The following TXNRD2 variants were observed in gnomAD, a reference collection of about 807,000 sequenced individuals.
TXNRD2 encodes thioredoxin reductase 2, also known as thioredoxin reductase 2, mitochondrial.
A neutral mutation model predicts 70.8 loss-of-function variants in TXNRD2; 67 were observed. The observed-to-expected ratio is 0.95, with a 90% confidence interval of 0.78 to 1.16. TXNRD2 has a LOEUF of 1.16. TXNRD2 is among the 50% of genes most tolerant of loss of function. The pLI is 0.00. For missense variants in TXNRD2, 644 were observed against 719.9 expected (o/e 0.89, Z 1.21); for synonymous variants, 301 against 295.8 (o/e 1.02, Z -0.18).
chr22:19,930,763 C>T (rs984654629), intron 2 of TXNRD2, among the ~76,000 whole-genome samples: 11 of 152,212 alleles, frequency 7.2e-5, no homozygotes, highest in Middle Eastern at 3.4e-3. Context: ...TGAGACTAGT[C>T]GGATTGGGGC....
At chr22:19,889,472 G>A (rs1939172007) in intron 11 of TXNRD2, among the ~76,000 whole-genome samples, 1 of 152,082 alleles carries the variant, frequency 6.6e-6, no homozygotes. Context: ...TTAGCTGGGC[G>A]CGGTGGCGGG....
At chr22:19,926,476 C>T (rs1230301665) in intron 2 of TXNRD2, among the ~76,000 whole-genome samples, 2 of 150,308 alleles carry the variant, frequency 1.3e-5, no homozygotes, top group South Asian at 2.1e-4. Context: ...GGTGACAGAG[C>T]GAGACTCCAT....
Position 19,933,580 on chromosome 22 carries a change from T to C in TXNRD2, c.104-2482A>G, listed in dbSNP as rs9618716. 7.7e-3 allele frequency: 9,166 copies of C among 1,184,742 alleles called. 554 individuals carry two copies. The African/African-American group carries it at 0.13, about 17-fold the overall frequency. The allele number at this position is 1,184,742 out of a possible 1,614,324, so 73.4% of individuals were successfully genotyped here. A position where few individuals can be genotyped will look rare whatever the true frequency, so the allele number is the denominator to read the frequency against. ...TATGGATGTGCTTATCTTGGGCAGCTTGCTCGCCCCCTGTGCACACCCAGG... is the reference window on the plus strand; with the variant it reads ...TATGGATGTGCTTATCTTGGGCAGCCTGCTCGCCCCCTGTGCACACCCAGG... On this transcript the variant is annotated intron_variant, in intron 1 of 17. Transcript: ENST00000400521.
At position 19,915,663 on chromosome 22, in the gene TXNRD2, C is replaced by T. The variant is rs570990078; in HGVS notation, c.528+102G>A. The T allele has an allele frequency of 2.0e-5, 21 of 1,042,852 alleles. 1 individual carries two copies. The highest frequency in any genetic ancestry group is 1.8e-4 in the South Asian group (14 of 77,894). 64.6% of individuals were successfully genotyped at this position (1,042,852 alleles called of 1,614,324 possible). On this transcript the variant is annotated intron_variant, in intron 6 of 17. Coordinates refer to ENST00000400521, the MANE Select transcript of TXNRD2 (RefSeq NM_006440.5). ...AGCCACCTTTTTGATTCCAGCAGCA[C>T]GTGTTACTAAGAACAGCACCCAGGC...
chr22:19,913,006 G>C (rs1040810245), intron 7 of TXNRD2, among the ~76,000 whole-genome samples: 2 of 152,200 alleles, frequency 1.3e-5, no homozygotes, highest in African/African-American at 4.8e-5. Context: ...AGCCTACTTA[G>C]AGGCTTGGAG....
At chr22:19,920,705 C>T (rs1464284033) in intron 2 of TXNRD2, among the ~76,000 whole-genome samples, 1 of 152,214 alleles carries the variant, frequency 6.6e-6, no homozygotes, top group African/African-American at 2.4e-5. Context: ...CCTCCCAAGG[C>T]ACACACAAAT....
At position 19,880,257 on chromosome 22, in the gene TXNRD2, G is replaced by A; in HGVS notation, c.1197C>T (p.Val399=). ...LMDYDNVPTT[V]FTPLEYGCVG... ...CACAGCCATACTCCAGCGGGGTGAA[G>A]ACGGTCGTGGGAACCTGAAAGCAGG... Residue 399 remains valine (V), a synonymous_variant, in exon 14 of 18, where the codon GTC becomes GTT. Transcript: ENST00000400521. 6.2e-7 allele frequency: 1 copy of A among 1,613,652 alleles called. No homozygotes were observed. The highest frequency in any genetic ancestry group is 2.2e-5 in the East Asian group (1 of 44,870).
chr22:19,919,720 C>T (rs1030786462), intron 2 of TXNRD2, 121 bp from the exon 3 acceptor site: 8 of 813,580 alleles, frequency 9.8e-6, no homozygotes, highest in Non-Finnish European at 1.1e-5. Flanking sequence ...CTGCGGCTGC[C>T]CACACAGTGG....
intron 10 of TXNRD2, among the ~76,000 whole-genome samples, chr22:19,897,574 G>C (rs747264413): frequency 6.6e-6 from 1 of 152,068 alleles, no homozygotes; most frequent in Non-Finnish European, 1.5e-5. Flanking sequence ...AAGATCCCAC[G>C]GGCTGTCTCG....
intron 4 of TXNRD2, among the ~76,000 whole-genome samples, chr22:19,918,564 C>T (rs1419083036): frequency 6.6e-6 from 1 of 152,080 alleles, no homozygotes; most frequent in Non-Finnish European, 1.5e-5. Flanking sequence ...GCTGAAGCGG[C>T]CTCCCACCCG....
At chr22:19,886,602 T>TA (rs1388090833) in intron 11 of TXNRD2, among the ~76,000 whole-genome samples, 1 of 152,216 alleles carries the variant, frequency 6.6e-6, no homozygotes, top group Admixed American at 6.5e-5. Flanking sequence ...ATTTCCCTCC[T>TA]ATGCCAGGAT....
In TXNRD2 at chr22:19,878,437, C is replaced by T. The variant is rs1938609125; in HGVS notation, c.1276G>A (p.Val426Ile). 1 of 1,613,554 alleles carries T rather than the reference C, an allele frequency of 6.2e-7. No homozygotes were observed. Among genetic ancestry groups the T allele is most frequent in the African/African-American group, 1.3e-5 (1 of 75,052 alleles). Residue 426 changes from valine (V) to isoleucine (I), a missense_variant and splice_region_variant, in exon 15 of 18, where the codon GTC (valine) becomes ATC (isoleucine). By Grantham distance (29) the Val-to-Ile change is conservative (BLOSUM62 3). Around this residue, in one of 3 missense-constraint regions of TXNRD2, gnomAD observed 566 missense variants for 645.0 expected, o/e 0.88. Coordinates refer to ENST00000400521, the MANE Select transcript of TXNRD2 (RefSeq NM_006440.5). ...VARHGQEHVEVYHAHYKPLEF... is the reference protein window; with the variant it reads ...VARHGQEHVEIYHAHYKPLEF... Reference sequence around the variant, plus strand: ...AGTGGTTTATAATGGGCGTGATAGACCTGAGGACAGGATACCAACCCTGGA... The same window carrying T: ...AGTGGTTTATAATGGGCGTGATAGATCTGAGGACAGGATACCAACCCTGGA...
intron 11 of TXNRD2, among the ~76,000 whole-genome samples, chr22:19,891,191 C>G (rs1334222681): frequency 1.3e-5 from 2 of 152,232 alleles, no homozygotes; most frequent in South Asian, 4.1e-4. Context: ...AAGATCCAGA[C>G]GGATTCCTTC....
At chr22:19,911,549 C>T in intron 7 of TXNRD2, 102 bp from the exon 8 acceptor site, 1 of 888,060 alleles carries the variant, frequency 1.1e-6, no homozygotes, top group Non-Finnish European at 1.9e-6. Flanking sequence ...CAGAGCTTTC[C>T]CAGGGCACAC....
chr22:19,936,714 T>C (rs1941551096), intron 1 of TXNRD2, among the ~76,000 whole-genome samples: 1 of 152,202 alleles, frequency 6.6e-6, no homozygotes, highest in South Asian at 2.1e-4. Flanking sequence ...AGTATGCTTC[T>C]GCCTCTTCTG....
intron 8 of TXNRD2, among the ~76,000 whole-genome samples, chr22:19,900,565 A>G (rs1477507546): frequency 6.6e-6 from 1 of 152,178 alleles, no homozygotes; most frequent in Non-Finnish European, 1.5e-5. Context: ...CCTGGCTAAC[A>G]TGGTGAAACC....
intron 8 of TXNRD2, among the ~76,000 whole-genome samples, chr22:19,903,935 A>G (rs73877392): frequency 0.035 from 5,298 of 152,296 alleles, 134 homozygotes; most frequent in South Asian, 0.087. Flanking sequence ...GCCCAGGGTC[A>G]CTGTACCTCC....
Position 19,903,716 on chromosome 22 carries a change from T to C in TXNRD2, c.663-4648A>G, listed in dbSNP as rs565097610. On this transcript the variant is annotated intron_variant, in intron 8 of 17. Transcript: ENST00000400521. ...GCTGCACTTGGATCCCGACCCCCAG[T>C]GCCTGCCTCTGTAAAGGAGCTCCCC... is the stretch of plus-strand genomic sequence containing the variant. 2.6e-5 allele frequency among the ~76,000 whole-genome samples: 4 copies of C among 152,292 alleles called. No individual in the cohort carries two copies. The South Asian group carries it at 6.2e-4, about 24-fold the overall frequency.
At position 19,925,593 on chromosome 22, in the gene TXNRD2, T is replaced by C. The variant is rs574373772; in HGVS notation, c.172+5437A>G. 9.2e-5 allele frequency among the ~76,000 whole-genome samples: 14 copies of C among 151,974 alleles called. No homozygotes were observed. The South Asian group carries it at 2.5e-3, about 27-fold the overall frequency. On this transcript the variant is annotated intron_variant, in intron 2 of 17. Transcript: ENST00000400521. ...ACAGTAAACACATGATATAATAACATAGAATGAAGGTTAGGAGGGGTGGAA... is the reference window on the plus strand; with the variant it reads ...ACAGTAAACACATGATATAATAACACAGAATGAAGGTTAGGAGGGGTGGAA...
Sources: gnomAD v4.1 joint callset for allele counts (sites outside exome capture counted in the v4.1 genomes callset) on GRCh38, gnomAD v4.1.1 for gene constraint, gnomAD v4.1.1 regional missense constraint, MANE v1.5 for transcripts, NCBI Gene and HGNC (gene_info 2026-07-23, HGNC 2026-07-21) for gene names.